Variants in AK3 observed in about 807,000 individuals in gnomAD.
AK3 encodes adenylate kinase 3, also known as GTP:AMP phosphotransferase AK3, mitochondrial.
Under a neutral mutation model 23.7 loss-of-function variants are expected in AK3, and 27 were observed. That is an observed-to-expected ratio of 1.14 (90% CI 0.84 to 1.57). The LOEUF (loss-of-function observed/expected upper bound fraction) is 1.57. AK3 is among the 40% of genes most tolerant of loss of function. The probability of loss-of-function intolerance (pLI) is 0.00; values close to 1 mark genes in which losing one functional copy is unlikely to be tolerated. For synonymous variants in AK3, 159 were observed against 116.0 expected (o/e 1.37, Z -2.38); for missense variants, 406 against 285.6 (o/e 1.42, Z -3.04).
Position 4,712,897 on chromosome 9 carries a change from G to A in AK3, c.*79C>T. 6.7e-7 allele frequency: 1 copy of A among 1,488,010 alleles called. No homozygotes were observed. Among genetic ancestry groups the A allele is most frequent in the African/African-American group, 1.4e-5 (1 of 71,182 alleles). 92.2% of individuals were successfully genotyped at this position (1,488,010 alleles called of 1,614,324 possible). A position where few individuals can be genotyped will look rare whatever the true frequency, so the allele number is the denominator to read the frequency against. ...TTCAAAGAATTCATACATACTAGAA[G>A]TCTTAGGAAAAGCAGCTTCTAAATG... On this transcript the variant is annotated 3_prime_UTR_variant, in exon 5 of 5. Transcript: ENST00000381809.
chr9:4,712,296 T>C lies in AK3; in HGVS notation c.*680A>G, dbSNP rs1272124416. The stretch of plus-strand genomic sequence containing the variant: ...AATCATAACCCTCAGTACACAGGTA[T>C]TTTCAAAGGAAACAAGTCATCTTAA... On this transcript the variant is annotated 3_prime_UTR_variant, in exon 5 of 5. Transcript: ENST00000381809. 2.0e-5 allele frequency: 3 copies of C among 152,192 alleles called. No individual in the cohort carries two copies. Among genetic ancestry groups the C allele is most frequent in the African/African-American group, 4.8e-5 (2 of 41,456 alleles). The allele number at this position is 152,192 out of a possible 1,614,324, so 9.4% of individuals were successfully genotyped here. A position where few individuals can be genotyped will look rare whatever the true frequency, so the allele number is the denominator to read the frequency against.
chr9:4,729,114 G>A (rs919573185), intron 1 of AK3, among the ~76,000 whole-genome samples: 3 of 150,522 alleles, frequency 2.0e-5, no homozygotes, highest in Non-Finnish European at 4.4e-5. Flanking sequence ...GGGTTCAAGC[G>A]ATTCTCCTGC....
At position 4,718,505 on chromosome 9, in the gene AK3, A is replaced by C. The variant is rs1408518855; in HGVS notation, c.477T>G (p.Ile159Met). 1 of 1,613,840 alleles carries C rather than the reference A, an allele frequency of 6.2e-7. No homozygotes were observed. Among genetic ancestry groups the C allele is most frequent in the Admixed American group, 1.7e-5 (1 of 60,010 alleles). The change falls in exon 4 of 5, where the codon ATT becomes ATG. Residue 159 changes from isoleucine to methionine, a missense_variant. Ile to Met is a conservative substitution (Grantham distance 10, BLOSUM62 1). Transcript: ENST00000381809. ...TCTCTGGTTTATCATCCTCACGCTGAATGAGAGGCTCCCCAGTCAGGTCAT... is the reference window on the plus strand; with the variant it reads ...TCTCTGGTTTATCATCCTCACGCTGCATGAGAGGCTCCCCAGTCAGGTCAT... Reference protein sequence around the residue: ...GIDDLTGEPLIQREDDKPETV... With the variant: ...GIDDLTGEPLMQREDDKPETV...
In AK3 at chr9:4,713,082, A is replaced by G. The variant is rs1200256578; in HGVS notation, c.578T>C (p.Leu193Pro). 14 of 1,613,582 alleles carry G rather than the reference A, an allele frequency of 8.7e-6. No homozygotes were observed. Among genetic ancestry groups the G allele is most frequent in the Non-Finnish European group, 1.2e-5 (14 of 1,179,762 alleles). ...VLEYYQKKGV[L>P]ETFSGTETNK... Reference sequence around the variant, plus strand: ...GGTTTCTGTTCCGGAGAATGTTTCCAGCACCCCTTTTTTCCTAAAGATGAA... The same window carrying G: ...GGTTTCTGTTCCGGAGAATGTTTCCGGCACCCCTTTTTTCCTAAAGATGAA... The change falls in exon 5 of 5, where the codon CTG becomes CCG. Residue 193 changes from leucine (L) to proline (P), a missense_variant. By Grantham distance (98) the Leu-to-Pro change is moderately conservative. Coordinates refer to ENST00000381809, the MANE Select transcript of AK3 (RefSeq NM_016282.4).
At chr9:4,725,099 T>G (rs965910764) in intron 1 of AK3, among the ~76,000 whole-genome samples, 3 of 150,224 alleles carry the variant, frequency 2.0e-5, no homozygotes, top group African/African-American at 7.4e-5. Context: ...CTTGGCTCAC[T>G]GCAACCTCCC....
Position 4,741,170 on chromosome 9 carries a change from G to T in AK3, c.-83C>A. The T allele has an allele frequency of 1.5e-6, 2 of 1,306,828 alleles. No homozygotes were observed. Among genetic ancestry groups the T allele is most frequent in the South Asian group, 4.1e-5 (2 of 49,368 alleles). 81.0% of individuals were successfully genotyped at this position (1,306,828 alleles called of 1,614,324 possible). ...CTCACCCGCTCGGCAGCCTGCGCCG[G>T]CCGGCTAGCAGCGCCACTAGCAGGC... On this transcript the variant is annotated 5_prime_UTR_variant, in exon 1 of 5. Transcript: ENST00000381809.
At chr9:4,716,594 A>T (rs1398252365) in intron 4 of AK3, among the ~76,000 whole-genome samples, 4 of 152,210 alleles carry the variant, frequency 2.6e-5, no homozygotes, top group African/African-American at 7.2e-5. Context: ...ACTACAAAAA[A>T]TGGTTTGCCA....
chr9:4,729,636 C>G (rs1477846357), intron 1 of AK3, among the ~76,000 whole-genome samples: 1 of 151,982 alleles, frequency 6.6e-6, no homozygotes, highest in Non-Finnish European at 1.5e-5. Context: ...GAGTTCCTGA[C>G]CAGCCTGGGC....
At position 4,725,556 on chromosome 9, in the gene AK3, G is replaced by A. The variant is rs534744658; in HGVS notation, c.152-2931C>T. ...GGCTGAGGTGGGCAGATCACCTGAGGTCAGGAGTTCGAGACCAGCCTGGCC... is the reference window on the plus strand; with the variant it reads ...GGCTGAGGTGGGCAGATCACCTGAGATCAGGAGTTCGAGACCAGCCTGGCC... On this transcript the variant is annotated intron_variant, in intron 1 of 4. Transcript: ENST00000381809. Among the ~76,000 whole-genome samples the A allele has an allele frequency of 1.2e-3, 187 of 152,034 alleles. 1 individual carries two copies. Among genetic ancestry groups the A allele is most frequent in the African/African-American group, 4.3e-3 (178 of 41,496 alleles).
chr9:4,716,214 A>G (rs1841721853), intron 4 of AK3, among the ~76,000 whole-genome samples: 1 of 152,228 alleles, frequency 6.6e-6, no homozygotes, highest in Non-Finnish European at 1.5e-5. Flanking sequence ...TAATATAAGC[A>G]CATATCATAT....
chr9:4,728,886 CATATAT>C (rs1554627014), intron 1 of AK3, among the ~76,000 whole-genome samples: 2 of 140,144 alleles, frequency 1.4e-5, no homozygotes, highest in African/African-American at 2.7e-5. Context: ...CACACACATA[CATATAT>C]ATACACATAC....
At chr9:4,723,015 G>A (rs1032476517) in intron 1 of AK3, among the ~76,000 whole-genome samples, 2 of 152,214 alleles carry the variant, frequency 1.3e-5, no homozygotes, top group African/African-American at 4.8e-5. Flanking sequence ...AGGTTGCAGT[G>A]AGCCGAGATC....
intron 1 of AK3, 142 bp downstream of exon 1, chr9:4,740,795 C>G: frequency 9.0e-7 from 1 of 1,113,134 alleles, no homozygotes; most frequent in Non-Finnish European, 1.2e-6. Context: ...AGTCGCTCAG[C>G]AGCCCGAGGT....
intron 1 of AK3, among the ~76,000 whole-genome samples, chr9:4,729,013 A>ATTTTTTTT (rs754323325): frequency 1.8e-5 from 2 of 109,806 alleles, no homozygotes; most frequent in African/African-American, 7.1e-5. Flanking sequence ...ATATATATAT[A>ATTTTTTTT]TATTTTTTTT....
chr9:4,741,309 C>A (rs934931937), upstream of AK3: 10 of 416,590 alleles, frequency 2.4e-5, no homozygotes, highest in Non-Finnish European at 3.2e-5. Flanking sequence ...GCGCACCCCC[C>A]GCCCCCGACC....
chr9:4,727,825 G>C (rs1842052898), intron 1 of AK3, among the ~76,000 whole-genome samples: 1 of 152,178 alleles, frequency 6.6e-6, no homozygotes, highest in Non-Finnish European at 1.5e-5. Flanking sequence ...TAAAGTGAGA[G>C]ATGTGCCACT....
intron 1 of AK3, among the ~76,000 whole-genome samples, chr9:4,725,461 T>C (rs1403321659): frequency 6.6e-6 from 1 of 152,052 alleles, no homozygotes; most frequent in Non-Finnish European, 1.5e-5. Context: ...CTTTTTGTGC[T>C]TCAAAGAACA....
At chr9:4,713,645 T>C (rs985926206) in intron 4 of AK3, among the ~76,000 whole-genome samples, 1 of 152,174 alleles carries the variant, frequency 6.6e-6, no homozygotes, top group Non-Finnish European at 1.5e-5. Flanking sequence ...CTTCTGAATA[T>C]TAACAGAAAG....
At chr9:4,738,761 C>CTTTTTTT (rs35812152) in intron 1 of AK3, among the ~76,000 whole-genome samples, 9 of 75,086 alleles carry the variant, frequency 1.2e-4, no homozygotes, top group Non-Finnish European at 1.7e-4. Context: ...ATATGCTTTA[C>CTTTTTTT]TTTTTTTTTT....
Sources: allele counts gnomAD v4.1 joint callset (sites outside exome capture counted in the v4.1 genomes callset), GRCh38; gene constraint gnomAD v4.1.1; transcripts MANE v1.5; gene names NCBI Gene and HGNC (gene_info 2026-07-23, HGNC 2026-07-21).